Variants in ARHGAP42 observed in about 807,000 individuals in gnomAD.
ARHGAP42 encodes the protein rho GTPase-activating protein 42.
ARHGAP42 carries 63 observed loss-of-function variants against 125.0 expected under a neutral mutation model. The ratio of observed to expected loss-of-function variants is 0.50; its 90% CI spans 0.41 to 0.62. The LOEUF is 0.62. ARHGAP42 is among the 20% of genes least tolerant of loss of function. The pLI is 0.00. For missense variants in ARHGAP42, 766 were observed against 1,024.2 expected (o/e 0.75, Z 3.44); for synonymous variants, 339 against 351.0 (o/e 0.97, Z 0.38).
At chr11:100,955,813 G>A (rs75257493) in intron 12 of ARHGAP42, among the ~76,000 whole-genome samples, 10 of 141,870 alleles carry the variant, frequency 7.0e-5, no homozygotes, top group Admixed American at 2.9e-4. Context: ...TTGATTTTTT[G>A]TTTTTTGTTT....
At chr11:100,933,959 G>A (rs1282879665) in intron 7 of ARHGAP42, among the ~76,000 whole-genome samples, 1 of 152,072 alleles carries the variant, frequency 6.6e-6, no homozygotes, top group African/African-American at 2.4e-5. Context: ...GGCTAATTTT[G>A]TATTTTTAGT....
At chr11:100,752,327 C>T (rs1327504545) in intron 1 of ARHGAP42, among the ~76,000 whole-genome samples, 1 of 152,198 alleles carries the variant, frequency 6.6e-6, no homozygotes, top group African/African-American at 2.4e-5. Flanking sequence ...CCTTCATGAG[C>T]ACCAGGGCTG....
chr11:100,802,296 C>T (rs1440509525), intron 3 of ARHGAP42, among the ~76,000 whole-genome samples: 1 of 152,122 alleles, frequency 6.6e-6, no homozygotes, highest in Non-Finnish European at 1.5e-5. Context: ...TAGAAGAGAT[C>T]TAGGTAACCT....
intron 4 of ARHGAP42, among the ~76,000 whole-genome samples, chr11:100,899,308 C>T (rs550053706): frequency 6.6e-5 from 10 of 152,120 alleles, no homozygotes; most frequent in African/African-American, 1.4e-4. Flanking sequence ...CTGAGAAGAA[C>T]GAATATTCTG....
chr11:100,825,026 A>G (rs953235894), intron 3 of ARHGAP42, among the ~76,000 whole-genome samples: 3 of 152,230 alleles, frequency 2.0e-5, no homozygotes, highest in Non-Finnish European at 4.4e-5. Flanking sequence ...TGGTGCATTC[A>G]TCACAAGGAA....
At chr11:100,925,611 G>A (rs990528349) in intron 6 of ARHGAP42, among the ~76,000 whole-genome samples, 1 of 152,018 alleles carries the variant, frequency 6.6e-6, no homozygotes, top group African/African-American at 2.4e-5. Flanking sequence ...GGTGGTGGGT[G>A]CCTGTAATCC....
chr11:100,922,052 G>A (rs1867288259), intron 6 of ARHGAP42, among the ~76,000 whole-genome samples: 1 of 151,880 alleles, frequency 6.6e-6, no homozygotes, highest in African/African-American at 2.4e-5. Context: ...CTCATTTTTT[G>A]GCAAACCTAA....
At chr11:100,791,395 A>C (rs1418058129) in intron 2 of ARHGAP42, among the ~76,000 whole-genome samples, 2 of 152,228 alleles carry the variant, frequency 1.3e-5, no homozygotes, top group East Asian at 3.8e-4. Flanking sequence ...AAGAAAGCAC[A>C]GAAAGATCTG....
chr11:100,983,613 GTAAAT>G, intron 22 of ARHGAP42, among the ~76,000 whole-genome samples: 1 of 152,252 alleles, frequency 6.6e-6, no homozygotes, highest in Middle Eastern at 3.4e-3. Context: ...TGTTGAATGA[GTAAAT>G]AAAATGCACA....
intron 2 of ARHGAP42, among the ~76,000 whole-genome samples, chr11:100,792,607 A>G (rs1357271346): frequency 2.6e-5 from 4 of 152,178 alleles, no homozygotes; most frequent in African/African-American, 9.7e-5. Flanking sequence ...CTCGATAGTT[A>G]AAACAACTTT....
rs1260010150 is a variant in ARHGAP42 at position 100,687,491 on chromosome 11, G to A, written c.-188G>A. ...CGCCTGCGCTCGCCTAGCCTCGGGG[G>A]AGGAAGACTGAGCCCGGCGCAGGCG... is the stretch of plus-strand genomic sequence containing the variant. On this transcript the variant is annotated 5_prime_UTR_variant, in exon 1 of 24. Coordinates refer to ENST00000298815, the MANE Select transcript of ARHGAP42 (RefSeq NM_152432.4). 2 of 286,782 alleles carry A rather than the reference G, an allele frequency of 7.0e-6. No homozygotes were observed. Among genetic ancestry groups the A allele is most frequent in the Non-Finnish European group, 1.2e-5 (2 of 172,822 alleles). 17.8% of individuals were successfully genotyped at this position (286,782 alleles called of 1,614,324 possible).
At chr11:100,840,291 A>G (rs1864916199) in intron 3 of ARHGAP42, among the ~76,000 whole-genome samples, 2 of 152,222 alleles carry the variant, frequency 1.3e-5, no homozygotes, top group South Asian at 4.1e-4. Flanking sequence ...CACTTTTGTC[A>G]GTAATGGTGA....
Position 100,951,373 on chromosome 11 carries a change from G to A in ARHGAP42, c.1162+1417G>A, listed in dbSNP as rs914428007. Among the ~76,000 whole-genome samples the A allele has an allele frequency of 2.0e-5, 3 of 152,232 alleles. No homozygotes were observed. In the East Asian group the frequency reaches 5.8e-4, roughly 29 times the overall value. On this transcript the variant is annotated intron_variant, in intron 12 of 23. Coordinates refer to ENST00000298815, the MANE Select transcript of ARHGAP42 (RefSeq NM_152432.4). ...CACAGATACATTAACCAAATGGTGA[G>A]AGTTTTGTATGTACTGAATGTTCAT...
At chr11:100,825,636 T>C (rs1377933556) in intron 3 of ARHGAP42, among the ~76,000 whole-genome samples, 2 of 152,176 alleles carry the variant, frequency 1.3e-5, no homozygotes, top group African/African-American at 4.8e-5. Flanking sequence ...TGGCTGTATG[T>C]GCAGTTTTCT....
At chr11:100,690,926 A>T (rs1345885646) in intron 1 of ARHGAP42, among the ~76,000 whole-genome samples, 1 of 152,156 alleles carries the variant, frequency 6.6e-6, no homozygotes, top group Non-Finnish European at 1.5e-5. Context: ...TTTCAGATTC[A>T]TGTCCACTTG....
intron 17 of ARHGAP42, among the ~76,000 whole-genome samples, chr11:100,969,302 T>G (rs985439122): frequency 1.1e-4 from 16 of 152,310 alleles, no homozygotes; most frequent in Admixed American, 1.0e-3. Context: ...GTCTTTGGCT[T>G]CAGCACTTTT....
chr11:100,800,208 A>G (rs1379102611), intron 3 of ARHGAP42, among the ~76,000 whole-genome samples: 1 of 152,220 alleles, frequency 6.6e-6, no homozygotes, highest in African/African-American at 2.4e-5. Context: ...GATTAAGGAG[A>G]CATGGATTTG....
chr11:100,739,904 C>A (rs1008284100), intron 1 of ARHGAP42, among the ~76,000 whole-genome samples: 1 of 152,132 alleles, frequency 6.6e-6, no homozygotes, highest in African/African-American at 2.4e-5. Flanking sequence ...GACCCACAGT[C>A]CAGCTGCAGC....
intron 6 of ARHGAP42, among the ~76,000 whole-genome samples, chr11:100,926,068 A>G (rs1867413104): frequency 6.6e-6 from 1 of 152,170 alleles, no homozygotes; most frequent in Admixed American, 6.5e-5. Flanking sequence ...ATTTCATGGT[A>G]CATAAAGGTT....
Sources: gnomAD v4.1 joint callset for allele counts (sites outside exome capture counted in the v4.1 genomes callset) on GRCh38, gnomAD v4.1.1 for gene constraint, MANE v1.5 for transcripts, NCBI Gene and HGNC (gene_info 2026-07-23, HGNC 2026-07-21) for gene names.